The following GPC1 variants were observed in gnomAD, a reference collection of about 807,000 sequenced individuals.
GPC1 encodes the protein glypican 1.
A neutral mutation model predicts 51.5 loss-of-function variants in GPC1; 26 were observed. That is an observed-to-expected ratio of 0.50 (90% CI 0.37 to 0.70). The LOEUF is 0.70. Ranked by LOEUF, GPC1 falls within the 30% of genes least tolerant of loss-of-function variation. The pLI is 0.00. For synonymous variants in GPC1, 380 were observed against 348.3 expected (o/e 1.09, Z -1.01); for missense variants, 775 against 800.5 (o/e 0.97, Z 0.38).
In GPC1 at chr2:240,465,308, C is replaced by G. The variant is rs2074251530; in HGVS notation, c.1268+98C>G. 2.8e-6 allele frequency: 4 copies of G among 1,412,348 alleles called. No homozygotes were observed. The East Asian group carries it at 9.6e-5, about 34-fold the overall frequency. 87.5% of individuals were successfully genotyped at this position (1,412,348 alleles called of 1,614,324 possible). On this transcript the variant is annotated intron_variant, in intron 7 of 8. Transcript: ENST00000264039. Reference sequence around the variant, plus strand: ...TGTCTGCACGGGGCCACGTCCCTTGCTGGAGGGCTTGAGCCCCACTTCTCT... The same window carrying G: ...TGTCTGCACGGGGCCACGTCCCTTGGTGGAGGGCTTGAGCCCCACTTCTCT...
intron 7 of GPC1, 109 bp from the exon 8 acceptor site, chr2:240,465,364 G>T: frequency 1.5e-6 from 2 of 1,350,138 alleles, no homozygotes; most frequent in Non-Finnish European, 1.0e-6. Context: ...TCGGTCCCTG[G>T]AAGCTGCTGG....
Position 240,447,441 on chromosome 2 carries a change from G to A in GPC1, c.166+11357G>A, listed in dbSNP as rs376799947. Among the ~76,000 whole-genome samples the A allele has an allele frequency of 1.5e-4, 23 of 152,326 alleles. No individual in the cohort carries two copies. The South Asian group carries it at 4.3e-3, about 29-fold the overall frequency. On this transcript the variant is annotated intron_variant, in intron 1 of 8. Coordinates refer to ENST00000264039, the MANE Select transcript of GPC1 (RefSeq NM_002081.3). The stretch of plus-strand genomic sequence containing the variant: ...GCTGCTCTGAGGCCGGCGTGGAGCC[G>A]GCGGATGGAGGGGGAGGGCACGTAG...
rs139795540 is a variant in GPC1 at position 240,466,071 on chromosome 2, C to T, written c.1458C>T (p.Ser486=). 4.8e-5 allele frequency: 77 copies of T among 1,608,950 alleles called. No homozygotes were observed. The highest frequency in any genetic ancestry group is 4.5e-4 in the African/African-American group (34 of 74,960). ...VDFQDASDDG[S]GSGSGDGCLD... is the part of the protein sequence containing the mutation. ...TCTCCTTCCCAGGTGACGACGGCAG[C>T]GGCTCGGGCAGCGGTGATGGCTGTC... is the stretch of plus-strand genomic sequence containing the variant. Residue 486 remains serine (S), a synonymous_variant, in exon 9 of 9, where the codon AGC becomes AGT. Coordinates refer to ENST00000264039, the MANE Select transcript of GPC1 (RefSeq NM_002081.3).
At chr2:240,455,385 G>T (rs2074148809) in intron 1 of GPC1, among the ~76,000 whole-genome samples, 2 of 152,182 alleles carry the variant, frequency 1.3e-5, no homozygotes, top group Non-Finnish European at 2.9e-5. Flanking sequence ...GCCCAGCGGG[G>T]AGCAGGCCCG....
At chr2:240,461,903 T>C (rs1009570253) in intron 2 of GPC1, among the ~76,000 whole-genome samples, 1 of 152,016 alleles carries the variant, frequency 6.6e-6, no homozygotes, top group African/African-American at 2.4e-5. Flanking sequence ...GAGCATCTGT[T>C]CTGCCCAGGG....
intron 1 of GPC1, among the ~76,000 whole-genome samples, chr2:240,457,727 G>A (rs551541049): frequency 6.6e-6 from 1 of 152,234 alleles, no homozygotes; most frequent in East Asian, 1.9e-4. Context: ...TCCCGGTCCT[G>A]GCTCCCTCTC....
intron 2 of GPC1, among the ~76,000 whole-genome samples, chr2:240,460,860 C>T (rs189118858): frequency 1.8e-3 from 271 of 152,312 alleles, no homozygotes; most frequent in African/African-American, 4.8e-3. Flanking sequence ...CCCCTCCCAG[C>T]CTCCGGGGCA....
In GPC1 at chr2:240,453,368, TCCGC is replaced by T. The variant is rs1321846266; in HGVS notation, c.167-5655_167-5652del. 6.9e-3 allele frequency among the ~76,000 whole-genome samples: 4 copies of T among 576 alleles called. 1 individual carries two copies. The highest frequency in any genetic ancestry group is 0.015 in the Admixed American group (1 of 68). The allele number at this position is 576 out of a possible 152,430, so 0.4% of individuals were successfully genotyped here. ...CGCTCCCACCGCCCGCCCCGCTCCCTCCGCCCGCCCCGCTCCCTCCGCCCGCCCC... is the reference window on the plus strand; with the variant it reads ...CGCTCCCACCGCCCGCCCCGCTCCCTCCGCCCCGCTCCCTCCGCCCGCCCC... On this transcript the variant is annotated intron_variant, in intron 1 of 8. Transcript: ENST00000264039.
rs111588419 is a variant in GPC1, at chr2:240,439,130, G to T, written c.166+3046G>T. On this transcript the variant is annotated intron_variant, in intron 1 of 8. Coordinates refer to ENST00000264039, the MANE Select transcript of GPC1 (RefSeq NM_002081.3). ...TGTGTCTGTTTGCTCCTTTGCTGGG[G>T]TCTCAGCGCCCCACCTTGGCACCTG... Among the ~76,000 whole-genome samples the T allele has an allele frequency of 5.8e-4, 88 of 152,276 alleles. 1 individual carries two copies. The highest frequency in any genetic ancestry group is 1.7e-3 in the African/African-American group (71 of 41,554).
In GPC1 at chr2:240,464,925, G is replaced by A. The variant is rs192798269; in HGVS notation, c.1084G>A (p.Gly362Ser). 1.2e-3 allele frequency: 1,835 copies of A among 1,551,672 alleles called. 28 individuals are homozygous for A. The East Asian group carries it at 0.025, about 21-fold the overall frequency. The change falls in exon 6 of 9, where the codon GGC becomes AGC. Residue 362 changes from glycine to serine, a missense_variant. Gly to Ser is a moderately conservative substitution (Grantham distance 56, BLOSUM62 0). Transcript: ENST00000264039. ...GPGPEEKRRR[G>S]KLAPRERPPS... Reference sequence around the variant, plus strand: ...CGGGCCTGAGGAGAAGCGGCGCCGGGGCAAGCTGGCCCCGCGGGAGAGGCC... The same window carrying A: ...CGGGCCTGAGGAGAAGCGGCGCCGGAGCAAGCTGGCCCCGCGGGAGAGGCC...
intron 1 of GPC1, among the ~76,000 whole-genome samples, chr2:240,442,771 G>C (rs1439520955): frequency 1.3e-5 from 2 of 152,346 alleles, no homozygotes; most frequent in South Asian, 2.1e-4. Flanking sequence ...CTTCCCATCA[G>C]GTGGCAAAGA....
rs989146245 is a variant in GPC1, at chr2:240,456,179, G to A, written c.167-2851G>A. 1.2e-4 allele frequency: 32 copies of A among 261,166 alleles called. 2 individuals carry two copies. The highest frequency in any genetic ancestry group is 8.3e-4 in the South Asian group (27 of 32,492). 16.2% of individuals were successfully genotyped at this position (261,166 alleles called of 1,614,324 possible). A position where few individuals can be genotyped will look rare whatever the true frequency, so the allele number is the denominator to read the frequency against. On this transcript the variant is annotated intron_variant, in intron 1 of 8. Transcript: ENST00000264039. ...GGCTGAGGCGCGGGGGCCGGTGCGC[G>A]GCCGTGAGGGGGTGTGAGAGGTGGC... is the stretch of plus-strand genomic sequence containing the variant.
At chr2:240,441,756 G>C (rs74623845) in intron 1 of GPC1, among the ~76,000 whole-genome samples, 2 of 152,204 alleles carry the variant, frequency 1.3e-5, no homozygotes, top group South Asian at 2.1e-4. Flanking sequence ...CTGACGGGGT[G>C]GGGGGTGCAG....
chr2:240,465,992 AC>A, intron 8 of GPC1, 65 bp from the exon 9 acceptor site: 1 of 990,586 alleles, frequency 1.0e-6, no homozygotes, highest in Admixed American at 2.0e-5. Flanking sequence ...ACGGGCCCTT[AC>A]AGGGTGGTGC....
rs1388434544 is a variant in GPC1, at chr2:240,448,569, G to C, written c.167-10461G>C. The stretch of plus-strand genomic sequence containing the variant: ...AAATGGGTGGGAGTCACGGAGGCAG[G>C]GGGCCCCCATTCCCACCTGCTCCAG... On this transcript the variant is annotated intron_variant, in intron 1 of 8. Coordinates refer to ENST00000264039, the MANE Select transcript of GPC1 (RefSeq NM_002081.3). This position sits in a 1 kb window ranked among gnomAD's most constrained non-coding sequence, Gnocchi z 4.5. 6.6e-6 allele frequency among the ~76,000 whole-genome samples: 1 copy of C among 152,028 alleles called. No individual in the cohort carries two copies. The highest frequency in any genetic ancestry group is 1.5e-5 in the Non-Finnish European group (1 of 67,988).
intron 7 of GPC1, 81 bp from the exon 8 acceptor site, chr2:240,465,392 C>T (rs959014603): frequency 9.7e-5 from 139 of 1,428,466 alleles, no homozygotes; most frequent in Admixed American, 1.3e-4. Context: ...AGGCTCAGAG[C>T]GTGGGAGAGT....
chr2:240,460,282 G>A lies in GPC1; in HGVS notation c.325+1094G>A, dbSNP rs1030662769. On this transcript the variant is annotated intron_variant, in intron 2 of 8. Transcript: ENST00000264039. ...CTGGTGTGGGGCCCGTGGGATGCGC[G>A]TGGCCCCTCTGGGACTCTCCTTCCT... is the stretch of plus-strand genomic sequence containing the variant. 4.6e-5 allele frequency among the ~76,000 whole-genome samples: 7 copies of A among 152,054 alleles called. No homozygotes were observed. In the East Asian group the frequency reaches 1.2e-3, roughly 25 times the overall value.
chr2:240,456,834 C>T (rs1414493773), intron 1 of GPC1: 7 of 323,362 alleles, frequency 2.2e-5, no homozygotes, highest in South Asian at 1.7e-4. Flanking sequence ...TGGTCCCTGG[C>T]GAGTGTACCT....
intron 4 of GPC1, chr2:240,464,114 G>A (rs1044454245): frequency 4.8e-5 from 10 of 207,838 alleles, no homozygotes; most frequent in African/African-American, 2.0e-4. Context: ...GCCAACAGGT[G>A]TGTGCTAACG....
Sources: allele counts gnomAD v4.1 joint callset (sites outside exome capture counted in the v4.1 genomes callset), GRCh38; gene constraint gnomAD v4.1.1; non-coding constraint Gnocchi (gnomAD v3.1); transcripts MANE v1.5; gene names NCBI Gene and HGNC (gene_info 2026-07-23, HGNC 2026-07-21).